The following WWOX variants were observed in gnomAD, a reference collection of about 807,000 sequenced individuals.
WWOX encodes WW domain containing oxidoreductase, also known as WW domain-containing oxidoreductase.
In WWOX, 69 loss-of-function variants were observed where a neutral mutation model predicts 46.2. The observed-to-expected ratio is 1.49, with a 90% CI of 1.23 to 1.82. WWOX has a LOEUF of 1.82. WWOX is among the 40% of genes most tolerant of loss of function. The pLI is 0.00. For missense variants in WWOX, 919 were observed against 542.6 expected (o/e 1.69, Z -6.89); for synonymous variants, 359 against 202.6 (o/e 1.77, Z -6.56).
chr16:78,797,158 C>T (rs1271677360), intron 8 of WWOX, among the ~76,000 whole-genome samples: 1 of 151,880 alleles, frequency 6.6e-6, no homozygotes, highest in Non-Finnish European at 1.5e-5. Flanking sequence ...GTGGGGAAAT[C>T]GTACCTGCCC....
At chr16:78,222,925 T>C (rs1016023425) in intron 5 of WWOX, among the ~76,000 whole-genome samples, 1 of 152,062 alleles carries the variant, frequency 6.6e-6, no homozygotes, top group African/African-American at 2.4e-5. Context: ...AGGCTCAGGG[T>C]TCAGGGGGCT....
At chr16:78,515,943 C>T (rs764085134) in intron 8 of WWOX, among the ~76,000 whole-genome samples, 4 of 152,134 alleles carry the variant, frequency 2.6e-5, no homozygotes, top group Non-Finnish European at 4.4e-5. Flanking sequence ...TCATTTGTCT[C>T]TCAGTCAATC....
chr16:78,602,399 ATT>A (rs1342278582), intron 8 of WWOX, among the ~76,000 whole-genome samples: 1 of 152,016 alleles, frequency 6.6e-6, no homozygotes, highest in Non-Finnish European at 1.5e-5. Flanking sequence ...CTCCTGGCTA[ATT>A]TTTTATATTT....
At chr16:78,457,090 T>G (rs548998325) in intron 8 of WWOX, among the ~76,000 whole-genome samples, 1 of 152,344 alleles carries the variant, frequency 6.6e-6, no homozygotes, top group African/African-American at 2.4e-5. Flanking sequence ...TCTGTGCCGT[T>G]AAGGGAATTG....
intron 5 of WWOX, among the ~76,000 whole-genome samples, chr16:78,309,044 C>T (rs2080185360): frequency 6.6e-6 from 1 of 152,064 alleles, no homozygotes; most frequent in African/African-American, 2.4e-5. Flanking sequence ...TTCTATTGAT[C>T]TCAGGTGTTT....
intron 8 of WWOX, among the ~76,000 whole-genome samples, chr16:79,151,537 A>G (rs929921994): frequency 1.3e-5 from 2 of 152,232 alleles, no homozygotes; most frequent in African/African-American, 4.8e-5. Flanking sequence ...GAAGACAAAC[A>G]GGGCTCCAAT....
intron 8 of WWOX, among the ~76,000 whole-genome samples, chr16:78,579,868 G>A (rs2045004511): frequency 6.6e-6 from 1 of 152,140 alleles, no homozygotes; most frequent in Non-Finnish European, 1.5e-5. Context: ...CTGCCTCGAA[G>A]ACTCACTGGA....
chr16:79,211,172 A>G (rs946456157), intron 8 of WWOX, among the ~76,000 whole-genome samples: 3 of 152,110 alleles, frequency 2.0e-5, no homozygotes, highest in East Asian at 1.9e-4. Context: ...ATGGACCACA[A>G]TTAAGAGTGG....
At chr16:78,906,568 T>C (rs2044970586) in intron 8 of WWOX, among the ~76,000 whole-genome samples, 1 of 152,154 alleles carries the variant, frequency 6.6e-6, no homozygotes, top group South Asian at 2.1e-4. Flanking sequence ...TGCATAAATA[T>C]ACATCTTTCA....
chr16:78,612,609 C>A (rs972616492), intron 8 of WWOX, among the ~76,000 whole-genome samples: 1 of 152,164 alleles, frequency 6.6e-6, no homozygotes, highest in African/African-American at 2.4e-5. Flanking sequence ...CCAAGTAGGA[C>A]TACAGTTGTG....
intron 5 of WWOX, among the ~76,000 whole-genome samples, chr16:78,383,051 G>A (rs945151641): frequency 7.3e-5 from 11 of 150,512 alleles, no homozygotes; most frequent in South Asian, 4.2e-4. Flanking sequence ...TAAACAAGCA[G>A]ATCTTAGGCA....
intron 5 of WWOX, among the ~76,000 whole-genome samples, chr16:78,356,071 T>TAAAAAA (rs61113878): frequency 0.032 from 2,443 of 75,838 alleles, 253 homozygotes; most frequent in African/African-American, 0.1. Context: ...TTTTTTTTCC[T>TAAAAAA]AAAAAAAAAA....
intron 5 of WWOX, among the ~76,000 whole-genome samples, chr16:78,178,223 A>G (rs542506037): frequency 3.8e-4 from 58 of 152,172 alleles, no homozygotes; most frequent in Admixed American, 2.0e-3. Flanking sequence ...GGCAGATTCA[A>G]ACCTCACTGG....
At chr16:78,501,569 C>T (rs1241873932) in intron 8 of WWOX, among the ~76,000 whole-genome samples, 1 of 151,504 alleles carries the variant, frequency 6.6e-6, no homozygotes, top group African/African-American at 2.4e-5. Flanking sequence ...TGGAGTCTTC[C>T]TCTGTCACCC....
intron 8 of WWOX, among the ~76,000 whole-genome samples, chr16:78,659,936 T>C (rs929966957): frequency 3.3e-5 from 5 of 152,202 alleles, no homozygotes; most frequent in Non-Finnish European, 7.3e-5. Flanking sequence ...CACCAGAAAT[T>C]TAACATGCTG....
chr16:79,006,305 A>G (rs1445731010), intron 8 of WWOX, among the ~76,000 whole-genome samples: 1 of 152,144 alleles, frequency 6.6e-6, no homozygotes, highest in Non-Finnish European at 1.5e-5. Flanking sequence ...CGGGAAGTCC[A>G]GGGACACACA....
At chr16:79,176,247 C>G (rs1269014791) in intron 8 of WWOX, among the ~76,000 whole-genome samples, 2 of 152,210 alleles carry the variant, frequency 1.3e-5, no homozygotes, top group East Asian at 3.9e-4. Context: ...CCAATGGCAG[C>G]TACGTTCCAC....
At chr16:78,899,703 A>G (rs2044781242) in intron 8 of WWOX, 1 of 152,228 alleles carries the variant, frequency 6.6e-6, no homozygotes, top group South Asian at 2.1e-4. Context: ...CTACTTCTTC[A>G]TATTCCACTT....
chr16:79,127,744 G>A (rs2150688956), intron 8 of WWOX, among the ~76,000 whole-genome samples: 1 of 152,284 alleles, frequency 6.6e-6, no homozygotes, highest in East Asian at 1.9e-4. Context: ...ACATACGACA[G>A]TTAGGGTGGC....
Sources: allele counts gnomAD v4.1 joint callset (sites outside exome capture counted in the v4.1 genomes callset), GRCh38; gene constraint gnomAD v4.1.1; transcripts MANE v1.5; gene names NCBI Gene and HGNC (gene_info 2026-07-23, HGNC 2026-07-21).